The following GAB1 variants were observed in gnomAD, a reference collection of about 807,000 sequenced individuals.
The protein encoded by GAB1 is GRB2 associated binding protein 1, also known as GRB2-associated-binding protein 1.
GAB1 carries 19 observed loss-of-function variants against 66.5 expected under a neutral mutation model. The observed-to-expected ratio is 0.29, with a 90% CI of 0.20 to 0.42. The LOEUF (loss-of-function observed/expected upper bound fraction) is 0.42, where lower values mean the gene tolerates loss of function less well. Among genes scored for constraint, GAB1 ranks in the 10% least tolerant of loss-of-function variants. GAB1 has a pLI of 1.00. For synonymous variants in GAB1, 294 were observed against 301.4 expected (o/e 0.98, Z 0.25); for missense variants, 732 against 858.5 (o/e 0.85, Z 1.84).
Position 143,472,059 on chromosome 4 carries a change from A to G in GAB1, c.*2870A>G, listed in dbSNP as rs1421575554. The G allele has an allele frequency of 6.6e-6, 1 of 152,200 alleles. No individual in the cohort carries two copies. Among genetic ancestry groups the G allele is most frequent in the Non-Finnish European group, 1.5e-5 (1 of 68,012 alleles). 9.4% of individuals were successfully genotyped at this position (152,200 alleles called of 1,614,324 possible). A position where few individuals can be genotyped will look rare whatever the true frequency, so the allele number is the denominator to read the frequency against. On this transcript the variant is annotated 3_prime_UTR_variant, in exon 10 of 10. Transcript: ENST00000262994. ...TTATTCTGAAAAATTGTAAGATTTT[A>G]TGAAGGTTTGAATACTGAAGCACAG...
At chr4:143,400,730 G>A (rs1731725900) in intron 1 of GAB1, among the ~76,000 whole-genome samples, 1 of 152,144 alleles carries the variant, frequency 6.6e-6, no homozygotes, top group Admixed American at 6.5e-5. Context: ...CACTTTGGGA[G>A]GCTGAGGCAG....
chr4:143,453,692 G>A (rs1281989620), intron 6 of GAB1, among the ~76,000 whole-genome samples: 1 of 152,134 alleles, frequency 6.6e-6, no homozygotes, highest in Non-Finnish European at 1.5e-5. Context: ...TCTTCTAAGA[G>A]TAACTATAGT....
At chr4:143,402,617 G>A (rs148491889) in intron 1 of GAB1, among the ~76,000 whole-genome samples, 110 of 152,306 alleles carry the variant, frequency 7.2e-4, no homozygotes, top group African/African-American at 2.3e-3. Context: ...AAGGGTTGGA[G>A]ATTTGTGGTA....
chr4:143,423,872 T>A (rs78633560), intron 2 of GAB1, among the ~76,000 whole-genome samples: 4,374 of 136,036 alleles, frequency 0.032, 106 homozygotes, highest in South Asian at 0.095. Context: ...ATTTTTTTTT[T>A]AAAAAAAAGG....
intron 6 of GAB1, among the ~76,000 whole-genome samples, chr4:143,443,630 C>G (rs6820204): frequency 6.6e-6 from 1 of 152,018 alleles, no homozygotes; most frequent in African/African-American, 2.4e-5. Flanking sequence ...ATCTATTATT[C>G]AGTATCTCTT....
At chr4:143,361,177 G>A (rs1040619224) in intron 1 of GAB1, among the ~76,000 whole-genome samples, 1 of 152,098 alleles carries the variant, frequency 6.6e-6, no homozygotes, top group Non-Finnish European at 1.5e-5. Context: ...ATTCCAGAAA[G>A]TAACTGTGGA....
intron 1 of GAB1, among the ~76,000 whole-genome samples, chr4:143,379,108 G>T (rs1220597559): frequency 6.6e-6 from 1 of 152,204 alleles, no homozygotes; most frequent in Non-Finnish European, 1.5e-5. Flanking sequence ...ATTCATTGAG[G>T]TGGGGTAGGG....
intron 1 of GAB1, among the ~76,000 whole-genome samples, chr4:143,389,749 A>G (rs1731095566): frequency 1.3e-5 from 2 of 152,332 alleles, no homozygotes; most frequent in South Asian, 2.1e-4. Flanking sequence ...TGCTCAGTAC[A>G]TATTTGTTGA....
intron 1 of GAB1, chr4:143,349,880 T>A: frequency 6.3e-7 from 1 of 1,582,582 alleles, no homozygotes; most frequent in Non-Finnish European, 8.6e-7. Flanking sequence ...AAGTCAATGA[T>A]CTCTGATTCC....
intron 1 of GAB1, among the ~76,000 whole-genome samples, chr4:143,373,887 T>TATATATATATA (rs1560726049): frequency 2.4e-4 from 24 of 98,264 alleles, no homozygotes; most frequent in African/African-American, 2.6e-4. Context: ...ATATATATAT[T>TATATATATATA]TTTACCTTTC....
intron 8 of GAB1, among the ~76,000 whole-genome samples, chr4:143,462,879 C>G (rs1461948010): frequency 6.6e-6 from 1 of 152,142 alleles, no homozygotes; most frequent in Non-Finnish European, 1.5e-5. Context: ...GCAGGATGGT[C>G]TCAAACTCCC....
chr4:143,373,868 A>AATAAATATATATATATATAT lies in GAB1; in HGVS notation c.72+36611_72+36612insAATATATATATATATATATA. ...CTCTCTCTCTCTCTGTAAATAAATA[A>AATAAATATATATATATATAT]ATATATATATATATATATTTTTACC... On this transcript the variant is annotated intron_variant, in intron 1 of 9. Coordinates refer to ENST00000262994, the MANE Select transcript of GAB1 (RefSeq NM_002039.4). Among the ~76,000 whole-genome samples the AATAAATATATATATATATAT allele has an allele frequency of 3.4e-3, 321 of 93,652 alleles. 20 individuals carry two copies. The highest frequency in any genetic ancestry group is 0.014 in the African/African-American group (302 of 21,574). 61.4% of individuals were successfully genotyped at this position (93,652 alleles called of 152,430 possible). A position where few individuals can be genotyped will look rare whatever the true frequency, so the allele number is the denominator to read the frequency against.
At chr4:143,376,400 C>T (rs1581243157) in intron 1 of GAB1, among the ~76,000 whole-genome samples, 2 of 152,120 alleles carry the variant, frequency 1.3e-5, no homozygotes, top group Non-Finnish European at 2.9e-5. Context: ...GTATGTTGAA[C>T]ATTTTTCAGA....
rs1734146841 is a variant in GAB1 at position 143,440,155 on chromosome 4, A to G, written c.1358A>G (p.Asn453Ser). 3.1e-6 allele frequency: 5 copies of G among 1,614,192 alleles called. No homozygotes were observed. Among genetic ancestry groups the G allele is most frequent in the Non-Finnish European group, 4.2e-6 (5 of 1,180,030 alleles). The change falls in exon 6 of 10, where the codon AAT (asparagine) becomes AGT (serine). Residue 453 changes from asparagine (N) to serine (S), a missense_variant. Asn to Ser is a conservative substitution (Grantham distance 46). Around this residue, in one of 4 missense-constraint regions of GAB1, gnomAD observed 427 missense variants for 420.6 expected, o/e 1.02. Coordinates refer to ENST00000262994, the MANE Select transcript of GAB1 (RefSeq NM_002039.4). ...GAAAATTACGTCCCAATGAATCCCA[A>G]TTCACCACCACGACAACATTCCAGC... ...LDENYVPMNPNSPPRQHSSSF... is the reference protein window; with the variant it reads ...LDENYVPMNPSSPPRQHSSSF...
intron 1 of GAB1, among the ~76,000 whole-genome samples, chr4:143,397,428 T>A (rs1181526248): frequency 6.6e-6 from 1 of 152,182 alleles, no homozygotes; most frequent in Non-Finnish European, 1.5e-5. Context: ...TAACTATAAA[T>A]ACACTACATG....
chr4:143,376,919 C>T (rs944979483), intron 1 of GAB1: 1 of 152,070 alleles, frequency 6.6e-6, no homozygotes, highest in Non-Finnish European at 1.5e-5. Flanking sequence ...TATTTTGATC[C>T]CTATCATTCT....
intron 1 of GAB1, chr4:143,395,446 TA>T (rs1199689519): frequency 6.4e-6 from 1 of 155,234 alleles, no homozygotes; most frequent in Admixed American, 6.3e-5. Context: ...TTTCTTTTTG[TA>T]AAAAGAGTAT....
chr4:143,374,944 C>G (rs892290037), intron 1 of GAB1, among the ~76,000 whole-genome samples: 1 of 152,166 alleles, frequency 6.6e-6, no homozygotes, highest in South Asian at 2.1e-4. Flanking sequence ...AATACTTTTT[C>G]AAGAATGCTC....
chr4:143,443,376 A>C (rs924702549), intron 6 of GAB1, among the ~76,000 whole-genome samples: 1 of 152,122 alleles, frequency 6.6e-6, no homozygotes, highest in African/African-American at 2.4e-5. Context: ...AATGTATTTA[A>C]CATTACAAGG....
Sources: allele counts gnomAD v4.1 joint callset (sites outside exome capture counted in the v4.1 genomes callset), GRCh38; gene constraint gnomAD v4.1.1; regional missense constraint gnomAD v4.1.1; transcripts MANE v1.5; gene names NCBI Gene and HGNC (gene_info 2026-07-23, HGNC 2026-07-21).